Variants in FAT3 observed in about 807,000 individuals in gnomAD.
The protein encoded by FAT3 is protocadherin Fat 3.
FAT3 carries 95 observed loss-of-function variants against 310.2 expected under a neutral mutation model. The ratio of observed to expected loss-of-function variants is 0.31; its 90% CI spans 0.26 to 0.36. The LOEUF (loss-of-function observed/expected upper bound fraction) is 0.36. FAT3 is among the 10% of genes least tolerant of loss of function. The pLI is 1.00. For missense variants in FAT3, 5,408 were observed against 5,715.6 expected, an observed-to-expected ratio of 0.95 and a Z score of 1.74; for synonymous variants, 2,314 against 2,192.9, an observed-to-expected ratio of 1.06 and a Z score of -1.54.
chr11:92,267,113 C>T (rs1945983640), intron 1 of FAT3, among the ~76,000 whole-genome samples: 1 of 152,044 alleles, frequency 6.6e-6, no homozygotes, highest in Non-Finnish European at 1.5e-5. Flanking sequence ...GACTTTTGCA[C>T]CAACTCGCTT....
intron 3 of FAT3, among the ~76,000 whole-genome samples, chr11:92,678,258 T>G (rs1350641465): frequency 6.6e-6 from 1 of 152,170 alleles, no homozygotes; most frequent in Non-Finnish European, 1.5e-5. Context: ...ACATGAAGAC[T>G]GGTTGCAAGA....
At chr11:92,380,576 A>G (rs1230139955) in intron 2 of FAT3, among the ~76,000 whole-genome samples, 2 of 152,166 alleles carry the variant, frequency 1.3e-5, no homozygotes, top group African/African-American at 4.8e-5. Flanking sequence ...TACACAGCCA[A>G]CACAATTTAG....
chr11:92,658,454 G>C (rs1370944338), intron 3 of FAT3, among the ~76,000 whole-genome samples: 1 of 152,166 alleles, frequency 6.6e-6, no homozygotes, highest in Non-Finnish European at 1.5e-5. Context: ...CATGGTGAGT[G>C]GGGTGAGGCA....
chr11:92,532,865 T>C (rs1345153760), intron 3 of FAT3, among the ~76,000 whole-genome samples: 4 of 152,024 alleles, frequency 2.6e-5, no homozygotes, highest in African/African-American at 9.7e-5. Context: ...GAATCCTAGA[T>C]GAAAAGGGGG....
intron 25 of FAT3, among the ~76,000 whole-genome samples, chr11:92,888,606 CCTT>C (rs1949847361): frequency 6.6e-6 from 1 of 152,192 alleles, no homozygotes; most frequent in Non-Finnish European, 1.5e-5. Context: ...ACAGATATCT[CCTT>C]CTCTATTCTA....
chr11:92,785,718 A>G (rs189279496), intron 7 of FAT3, among the ~76,000 whole-genome samples: 2 of 152,294 alleles, frequency 1.3e-5, no homozygotes, highest in Non-Finnish European at 2.9e-5. Flanking sequence ...ATGAAAAAAG[A>G]CAAACCATAT....
At chr11:92,875,713 C>G (rs538069126) in intron 22 of FAT3, among the ~76,000 whole-genome samples, 2 of 152,124 alleles carry the variant, frequency 1.3e-5, no homozygotes, top group Non-Finnish European at 2.9e-5. Flanking sequence ...CTCTTGGGAC[C>G]CTGTATGAGT....
chr11:92,566,454 A>C (rs1955448585), intron 3 of FAT3, among the ~76,000 whole-genome samples: 1 of 151,998 alleles, frequency 6.6e-6, no homozygotes, highest in South Asian at 2.1e-4. Context: ...GAAAATGGCC[A>C]TACTGCCCAA....
Position 92,657,994 on chromosome 11 carries a change from GA to G in FAT3, c.3608-39383del, listed in dbSNP as rs568828369. Among the ~76,000 whole-genome samples, 6 of 152,006 alleles carry G rather than the reference GA, an allele frequency of 3.9e-5. No homozygotes were observed. The East Asian group carries it at 9.7e-4, about 24-fold the overall frequency. ...TTTCTACTTGCCACATTAAAAAAGT[GA>G]AAAAAAGGCTAAAATAATTTAACAA... On this transcript the variant is annotated intron_variant, in intron 3 of 27. Transcript: ENST00000525166.
At chr11:92,442,111 A>ATATATATTTTTTTTT (rs1453396603) in intron 2 of FAT3, among the ~76,000 whole-genome samples, 1 of 45,216 alleles carries the variant, frequency 2.2e-5, no homozygotes, top group African/African-American at 1.8e-4. Context: ...ATATATATAT[A>ATATATATTTTTTTTT]TTTTTTTTTT....
chr11:92,461,543 TAGAAC>T (rs1305372878), intron 2 of FAT3, among the ~76,000 whole-genome samples: 1 of 152,078 alleles, frequency 6.6e-6, no homozygotes, highest in Non-Finnish European at 1.5e-5. Context: ...CTTGAGCAGT[TAGAAC>T]AGACACACAG....
At chr11:92,852,099 G>A (rs1450841959) in intron 19 of FAT3, among the ~76,000 whole-genome samples, 3 of 152,072 alleles carry the variant, frequency 2.0e-5, no homozygotes, top group Non-Finnish European at 4.4e-5. Flanking sequence ...AGTGTTTCCT[G>A]GACCCAGACA....
At chr11:92,873,479 A>G (rs1229686240) in intron 22 of FAT3, among the ~76,000 whole-genome samples, 1 of 152,200 alleles carries the variant, frequency 6.6e-6, no homozygotes, top group Non-Finnish European at 1.5e-5. Flanking sequence ...GATCAGAATG[A>G]TGTTTACCTA....
At chr11:92,331,698 A>T (rs1947928217) in intron 1 of FAT3, among the ~76,000 whole-genome samples, 1 of 152,222 alleles carries the variant, frequency 6.6e-6, no homozygotes, top group African/African-American at 2.4e-5. Context: ...AAAGTAAATG[A>T]AAAACTGAAT....
chr11:92,840,747 G>T lies in FAT3; in HGVS notation c.10554G>T (p.Val3518=). Residue 3518 remains valine, a synonymous_variant, in exon 18 of 28, where the codon GTG becomes GTT. Transcript: ENST00000525166. Reference sequence around the variant, plus strand: ...AGCACACAGAGTCTCTGGAATACGTGTTGTGTGTCCAGGTATGGCATCGCA... The same window carrying T: ...AGCACACAGAGTCTCTGGAATACGTTTTGTGTGTCCAGGTATGGCATCGCA... ...VFQHTESLEY[V]LCVQAKDSGK... The T allele has an allele frequency of 1.3e-6, 2 of 1,585,170 alleles. No individual in the cohort carries two copies. The highest frequency in any genetic ancestry group is 1.7e-6 in the Non-Finnish European group (2 of 1,156,998).
At chr11:92,723,837 A>G (rs1042323047) in intron 4 of FAT3, among the ~76,000 whole-genome samples, 3 of 152,166 alleles carry the variant, frequency 2.0e-5, no homozygotes, top group Non-Finnish European at 4.4e-5. Flanking sequence ...ACCAGCCCAC[A>G]TGATTCAAGT....
intron 3 of FAT3, among the ~76,000 whole-genome samples, chr11:92,615,924 G>C (rs1347956585): frequency 6.6e-6 from 1 of 152,212 alleles, no homozygotes; most frequent in African/African-American, 2.4e-5. Flanking sequence ...GAATAAGTGT[G>C]ATGTGGTGCT....
intron 3 of FAT3, among the ~76,000 whole-genome samples, chr11:92,626,577 C>CG (rs1166724760): frequency 2.0e-5 from 3 of 151,120 alleles, no homozygotes; most frequent in Admixed American, 1.3e-4. Context: ...TGGGTCTTTT[C>CG]GGGGGGCACT....
intron 1 of FAT3, among the ~76,000 whole-genome samples, chr11:92,292,913 C>T (rs911783603): frequency 2.0e-5 from 3 of 151,768 alleles, no homozygotes; most frequent in African/African-American, 7.3e-5. Flanking sequence ...TTCAGGAGGT[C>T]AAGTCAGAAG....
Sources: gnomAD v4.1 joint callset for allele counts (sites outside exome capture counted in the v4.1 genomes callset) on GRCh38, gnomAD v4.1.1 for gene constraint, MANE v1.5 for transcripts, NCBI Gene and HGNC (gene_info 2026-07-23, HGNC 2026-07-21) for gene names.